Variants in SKAP1 observed in about 807,000 individuals in gnomAD.
The protein encoded by SKAP1 is src kinase-associated phosphoprotein 1.
SKAP1 carries 44 observed loss-of-function variants against 58.5 expected under a neutral mutation model. The observed-to-expected ratio is 0.75, with a 90% CI of 0.59 to 0.97. SKAP1 has a LOEUF of 0.97. Ranked by LOEUF, SKAP1 falls within the 50% of genes least tolerant of loss-of-function variation. SKAP1 has a pLI of 0.00. For missense variants in SKAP1, 390 were observed against 435.2 expected (o/e 0.90, Z 0.92); for synonymous variants, 127 against 149.7 (o/e 0.85, Z 1.11).
At chr17:48,173,585 T>C (rs186532276) in intron 9 of SKAP1, among the ~76,000 whole-genome samples, 8 of 152,322 alleles carry the variant, frequency 5.3e-5, no homozygotes, top group African/African-American at 1.7e-4. Flanking sequence ...CCCAATAATT[T>C]GGACAGAGAG....
chr17:48,318,965 T>C (rs2066325020), intron 4 of SKAP1, among the ~76,000 whole-genome samples: 1 of 152,196 alleles, frequency 6.6e-6, no homozygotes, highest in South Asian at 2.1e-4. Context: ...AATAACCTTC[T>C]TGAAGTGGAA....
At chr17:48,291,091 C>T (rs914836817) in intron 4 of SKAP1, among the ~76,000 whole-genome samples, 8 of 152,128 alleles carry the variant, frequency 5.3e-5, no homozygotes, top group African/African-American at 1.9e-4. Flanking sequence ...TGCACTCCAG[C>T]CTGGGTGACA....
intron 2 of SKAP1, among the ~76,000 whole-genome samples, chr17:48,387,643 C>T (rs781254693): frequency 2.0e-5 from 3 of 152,080 alleles, no homozygotes; most frequent in Non-Finnish European, 4.4e-5. Context: ...TGATTTTGTG[C>T]CACTTTCAAT....
intron 4 of SKAP1, among the ~76,000 whole-genome samples, chr17:48,303,954 A>T (rs760239416): frequency 6.6e-6 from 1 of 151,874 alleles, no homozygotes; most frequent in Non-Finnish European, 1.5e-5. Context: ...GTGAGATTTC[A>T]TATTTTGTTT....
At chr17:48,314,267 C>T (rs1347197637) in intron 4 of SKAP1, among the ~76,000 whole-genome samples, 2 of 152,234 alleles carry the variant, frequency 1.3e-5, no homozygotes, top group East Asian at 1.9e-4. Flanking sequence ...ATCATTTTTG[C>T]ATCATATCCC....
At chr17:48,337,197 G>C (rs1381890683) in intron 4 of SKAP1, among the ~76,000 whole-genome samples, 1 of 152,116 alleles carries the variant, frequency 6.6e-6, no homozygotes, top group Non-Finnish European at 1.5e-5. Context: ...CATAAAAAAG[G>C]CTGTCACTCA....
chr17:48,278,427 C>T (rs1017766593), intron 4 of SKAP1, among the ~76,000 whole-genome samples: 2 of 152,022 alleles, frequency 1.3e-5, no homozygotes, highest in East Asian at 3.8e-4. Context: ...CACAACGAGA[C>T]CTCAATTATA....
intron 4 of SKAP1, among the ~76,000 whole-genome samples, chr17:48,250,168 T>C (rs1160816051): frequency 6.7e-6 from 1 of 150,316 alleles, no homozygotes. Flanking sequence ...ATGAGATCTA[T>C]GTTATAAGCT....
intron 4 of SKAP1, chr17:48,308,601 C>T (rs1215947118): frequency 6.6e-6 from 1 of 152,122 alleles, no homozygotes; most frequent in Non-Finnish European, 1.5e-5. Context: ...TAGAAGACAT[C>T]ATAATTTTCT....
At chr17:48,405,114 A>G (rs138599514) in intron 1 of SKAP1, among the ~76,000 whole-genome samples, 1 of 152,314 alleles carries the variant, frequency 6.6e-6, no homozygotes, top group Admixed American at 6.5e-5. Context: ...TAATGTTACT[A>G]CTAGTCTTGG....
At chr17:48,347,194 G>A (rs1225448705) in intron 3 of SKAP1, among the ~76,000 whole-genome samples, 1 of 152,134 alleles carries the variant, frequency 6.6e-6, no homozygotes, top group East Asian at 1.9e-4. Context: ...CTAATAAAAG[G>A]ACACTGACAG....
At chr17:48,408,000 CA>C (rs1567903593) in intron 1 of SKAP1, among the ~76,000 whole-genome samples, 1 of 151,856 alleles carries the variant, frequency 6.6e-6, no homozygotes, top group African/African-American at 2.4e-5. Flanking sequence ...CACAAATATA[CA>C]AAAATTAGGC....
chr17:48,322,633 G>T (rs1039024273), intron 4 of SKAP1, among the ~76,000 whole-genome samples: 1 of 152,198 alleles, frequency 6.6e-6, no homozygotes, highest in Non-Finnish European at 1.5e-5. Context: ...GACAGGAAGG[G>T]CAAAGGGCTT....
intron 11 of SKAP1, among the ~76,000 whole-genome samples, chr17:48,140,207 C>T (rs1216344022): frequency 1.3e-5 from 2 of 152,170 alleles, no homozygotes; most frequent in Non-Finnish European, 2.9e-5. Context: ...TCTCCTGTAA[C>T]CTCTGCATTG....
At chr17:48,205,782 T>C (rs1400341564) in intron 4 of SKAP1, among the ~76,000 whole-genome samples, 1 of 152,090 alleles carries the variant, frequency 6.6e-6, no homozygotes, top group East Asian at 1.9e-4. Flanking sequence ...GGGAAAATGA[T>C]TTCCATTAGC....
At chr17:48,215,129 T>C (rs2064923388) in intron 4 of SKAP1, among the ~76,000 whole-genome samples, 2 of 151,928 alleles carry the variant, frequency 1.3e-5, no homozygotes. Flanking sequence ...TGAACCACCA[T>C]ACTAACTGTA....
intron 4 of SKAP1, chr17:48,249,155 A>G (rs1393343912): frequency 6.6e-6 from 1 of 152,230 alleles, no homozygotes; most frequent in Non-Finnish European, 1.5e-5. Flanking sequence ...GGTGGCCTCC[A>G]AAGCAAGTTT....
chr17:48,362,794 C>A (rs1438274236), intron 3 of SKAP1, among the ~76,000 whole-genome samples: 1 of 152,130 alleles, frequency 6.6e-6, no homozygotes, highest in Non-Finnish European at 1.5e-5. Flanking sequence ...TAATCACTCA[C>A]AATTTTAATT....
chr17:48,198,026 A>G (rs993915328), intron 4 of SKAP1, among the ~76,000 whole-genome samples: 1 of 152,248 alleles, frequency 6.6e-6, no homozygotes, highest in African/African-American at 2.4e-5. Context: ...GTAATAATCA[A>G]TACTTTCTGG....
Sources: gnomAD v4.1 joint callset for allele counts (sites outside exome capture counted in the v4.1 genomes callset) on GRCh38, gnomAD v4.1.1 for gene constraint, MANE v1.5 for transcripts, NCBI Gene and HGNC (gene_info 2026-07-23, HGNC 2026-07-21) for gene names.